LIG3: variants seen among roughly 807,000 people sequenced by gnomAD.
LIG3 encodes DNA ligase 3, also known as ligase II, DNA, ATP-dependent.
A neutral mutation model predicts 110.9 loss-of-function variants in LIG3; 58 were observed. The ratio of observed to expected loss-of-function variants is 0.52; its 90% CI spans 0.42 to 0.65. The LOEUF is 0.65. LIG3 is among the 30% of genes least tolerant of loss of function. LIG3 has a pLI of 0.00. For missense variants in LIG3, 1,094 were observed against 1,273.8 expected, an observed-to-expected ratio of 0.86 and a Z score of 2.15; for synonymous variants, 422 against 472.8, an observed-to-expected ratio of 0.89 and a Z score of 1.39.
chr17:34,992,377 T>G (rs544240696), intron 7 of LIG3, 147 bp from the exon 8 acceptor site: 1 of 941,172 alleles, frequency 1.1e-6, no homozygotes, highest in African/African-American at 1.6e-5. Context: ...AAGAGCTTTC[T>G]CTCCTCTTGT....
At chr17:34,997,219 C>T (rs1369858549) in intron 11 of LIG3, 1 of 166,722 alleles carries the variant, frequency 6.0e-6, no homozygotes, top group African/African-American at 2.4e-5. Context: ...TCAGCCCTTT[C>T]CTCACTTAGA....
At chr17:35,002,983 G>A in intron 19 of LIG3, 194 bp downstream of exon 19, 1 of 1,614,172 alleles carries the variant, frequency 6.2e-7, no homozygotes, top group Non-Finnish European at 8.5e-7. Context: ...ATGTCCTCTT[G>A]TTGCCTTGCA....
At chr17:34,992,745 T>A (rs529744131) in intron 8 of LIG3, 53 bp downstream of exon 8, 19 of 1,494,524 alleles carry the variant, frequency 1.3e-5, no homozygotes, top group Non-Finnish European at 1.5e-5. Flanking sequence ...CTCCACATCC[T>A]TTGGGCTGAG....
rs143149309 is a variant in LIG3 at position 35,007,388 on chromosome 17, A to G, written c.*2882A>G. On this transcript the variant is annotated 3_prime_UTR_variant, in exon 20 of 20. Transcript: ENST00000378526. ...TCATGTATTTCTTTCATGTATTTCA[A>G]TGCAGCCCTCAACATCATCATCATA... 6.6e-6 allele frequency: 1 copy of G among 152,112 alleles called. No individual in the cohort carries two copies. The highest frequency in any genetic ancestry group is 2.4e-5 in the African/African-American group (1 of 41,398). The allele number at this position is 152,112 out of a possible 1,614,324, so 9.4% of individuals were successfully genotyped here.
At chr17:34,996,926 C>T (rs1244252270) in intron 11 of LIG3, 2 of 418,674 alleles carry the variant, frequency 4.8e-6, no homozygotes, top group Non-Finnish European at 8.7e-6. Flanking sequence ...GAAACCCAAA[C>T]CCCCAAAGAA....
At chr17:34,989,860 A>G (rs2090699713) in intron 4 of LIG3, 197 bp downstream of exon 4, 2 of 578,844 alleles carry the variant, frequency 3.5e-6, no homozygotes, top group Non-Finnish European at 6.1e-6. Flanking sequence ...TCCACAAATT[A>G]TGTAGCCAGT....
intron 16 of LIG3, among the ~76,000 whole-genome samples, chr17:35,000,891 G>C (rs1477469187): frequency 2.0e-5 from 3 of 151,560 alleles, no homozygotes; most frequent in African/African-American, 7.3e-5. Context: ...TGGGATTACA[G>C]ATGCAAGCCA....
rs1480128959 is a variant in LIG3 at position 35,007,743 on chromosome 17, T to G, written c.*3237T>G. ...TCACGAGGCTGGGCCAACCTTTTTTTTTTTTTTAAACAGACTCTTGCTCTG... is the reference window on the plus strand; with the variant it reads ...TCACGAGGCTGGGCCAACCTTTTTTGTTTTTTTAAACAGACTCTTGCTCTG... On this transcript the variant is annotated 3_prime_UTR_variant, in exon 20 of 20. Coordinates refer to ENST00000378526, the MANE Select transcript of LIG3 (RefSeq NM_013975.4). 2.6e-5 allele frequency: 4 copies of G among 151,750 alleles called. No individual in the cohort carries two copies. The highest frequency in any genetic ancestry group is 5.9e-5 in the Non-Finnish European group (4 of 67,958). 9.4% of individuals were successfully genotyped at this position (151,750 alleles called of 1,614,324 possible).
rs781425057 is a variant in LIG3 at position 35,008,756 on chromosome 17, C to A, written c.*4250C>A. The A allele has an allele frequency of 2.6e-5, 4 of 152,142 alleles. No individual in the cohort carries two copies. Among genetic ancestry groups the A allele is most frequent in the African/African-American group, 9.7e-5 (4 of 41,428 alleles). The allele number at this position is 152,142 out of a possible 1,614,324, so 9.4% of individuals were successfully genotyped here. A position where few individuals can be genotyped will look rare whatever the true frequency, so the allele number is the denominator to read the frequency against. ...ACACCATTCTCCTGCCTCAGCCTCC[C>A]GAGTAGCTGGGACTACAGGCACCCG... On this transcript the variant is annotated 3_prime_UTR_variant, in exon 20 of 20. Transcript: ENST00000378526.
chr17:34,998,618 T>C lies in LIG3; in HGVS notation c.2004T>C (p.Pro668=), dbSNP rs139713609. The stretch of plus-strand genomic sequence containing the variant: ...CTTCCCTTCAGGGTACATATGAGCC[T>C]GGGAAGCGGCACTGGCTGAAAGTGA... ...VLKDVKGTYE[P]GKRHWLKVKK... is the part of the protein sequence containing the mutation. Residue 668 remains proline, a synonymous_variant, in exon 14 of 20, where the codon CCT becomes CCC. Coordinates refer to ENST00000378526, the MANE Select transcript of LIG3 (RefSeq NM_013975.4). 6.2e-7 allele frequency: 1 copy of C among 1,614,050 alleles called. No individual in the cohort carries two copies. Among genetic ancestry groups the C allele is most frequent in the African/African-American group, 1.3e-5 (1 of 74,940 alleles).
chr17:34,984,698 C>T (rs2090637912), intron 2 of LIG3, among the ~76,000 whole-genome samples: 1 of 149,654 alleles, frequency 6.7e-6, no homozygotes, highest in African/African-American at 2.5e-5. Context: ...AGTGTAGTGG[C>T]ACTATCCTGT....
intron 19 of LIG3, chr17:35,003,296 C>G: frequency 1.4e-6 from 1 of 729,224 alleles, no homozygotes; most frequent in Non-Finnish European, 2.1e-6. Flanking sequence ...GCAACATCTC[C>G]TGAGCAATTC....
chr17:35,002,854 T>C (rs1022744559), intron 19 of LIG3, 65 bp downstream of exon 19: 8 of 1,572,498 alleles, frequency 5.1e-6, no homozygotes, highest in Middle Eastern at 1.8e-4. Flanking sequence ...CCCAACCTTC[T>C]GTACAAGAAG....
intron 16 of LIG3, among the ~76,000 whole-genome samples, chr17:35,000,583 A>G (rs138790607): frequency 1.2e-5 from 1 of 83,496 alleles, no homozygotes; most frequent in East Asian, 3.5e-4. Flanking sequence ...ATTGTTCTGT[A>G]TTGCTTCTAG....
In LIG3 at chr17:35,004,477, C is replaced by T. The variant is rs755970779; in HGVS notation, c.3001C>T (p.Arg1001Trp). The T allele has an allele frequency of 1.1e-5, 18 of 1,613,930 alleles. No individual in the cohort carries two copies. The highest frequency in any genetic ancestry group is 3.3e-5 in the South Asian group (3 of 91,084). Reference protein sequence around the residue: ...VSPEWIWACIRKRRLVAPC With the variant: ...VSPEWIWACIWKRRLVAPC ...CCCAGAGTGGATTTGGGCATGTATCCGGAAACGGAGACTGGTAGCTCCCTG... is the reference window on the plus strand; with the variant it reads ...CCCAGAGTGGATTTGGGCATGTATCTGGAAACGGAGACTGGTAGCTCCCTG... Residue 1001 changes from arginine to tryptophan, a missense_variant, in exon 20 of 20, where the codon CGG becomes TGG. Coordinates refer to ENST00000378526, the MANE Select transcript of LIG3 (RefSeq NM_013975.4).
At position 35,008,260 on chromosome 17, in the gene LIG3, C is replaced by A. The variant is rs1223228001; in HGVS notation, c.*3754C>A. 3 of 152,244 alleles carry A rather than the reference C, an allele frequency of 2.0e-5. No homozygotes were observed. The East Asian group carries it at 5.8e-4, about 29-fold the overall frequency. The allele number at this position is 152,244 out of a possible 1,614,324, so 9.4% of individuals were successfully genotyped here. A position where few individuals can be genotyped will look rare whatever the true frequency, so the allele number is the denominator to read the frequency against. On this transcript the variant is annotated 3_prime_UTR_variant, in exon 20 of 20. Coordinates refer to ENST00000378526, the MANE Select transcript of LIG3 (RefSeq NM_013975.4). ...GGATTCATCCTTTACCTACCCAGCT[C>A]TCATTCTCTTCTAGGTTGTTCCATG...
chr17:34,993,926 T>C (rs553739493), intron 8 of LIG3, among the ~76,000 whole-genome samples: 1 of 152,298 alleles, frequency 6.6e-6, no homozygotes, highest in African/African-American at 2.4e-5. Flanking sequence ...CTGGGAGAAC[T>C]GATGTGTTTT....
Position 35,001,416 on chromosome 17 carries a change from A to G in LIG3, c.2478+13A>G. The G allele has an allele frequency of 6.2e-7, 1 of 1,613,544 alleles. No individual in the cohort carries two copies. The highest frequency in any genetic ancestry group is 8.5e-7 in the Non-Finnish European group (1 of 1,179,466). ...TCCCCAACTCAAGGTAGCAGCTCTT[A>G]GGCTGTATATGTATTCTCCACCCCA... On this transcript the variant is annotated intron_variant, in intron 17 of 19. Coordinates refer to ENST00000378526, the MANE Select transcript of LIG3 (RefSeq NM_013975.4).
chr17:35,006,141 C>A lies in LIG3; in HGVS notation c.*1635C>A. 1 of 162,784 alleles carries A rather than the reference C, an allele frequency of 6.1e-6. No individual in the cohort carries two copies. Among genetic ancestry groups the A allele is most frequent in the Non-Finnish European group, 1.3e-5 (1 of 74,394 alleles). The allele number at this position is 162,784 out of a possible 1,614,324, so 10.1% of individuals were successfully genotyped here. A position where few individuals can be genotyped will look rare whatever the true frequency, so the allele number is the denominator to read the frequency against. On this transcript the variant is annotated 3_prime_UTR_variant, in exon 20 of 20. Coordinates refer to ENST00000378526, the MANE Select transcript of LIG3 (RefSeq NM_013975.4). The stretch of plus-strand genomic sequence containing the variant: ...ACCTGAGGCTGATTTATTTGAAGAA[C>A]AAAAGGAAGAGAGACAATTTAGTGT...
Sources: gnomAD v4.1 joint callset for allele counts (sites outside exome capture counted in the v4.1 genomes callset) on GRCh38, gnomAD v4.1.1 for gene constraint, MANE v1.5 for transcripts, NCBI Gene and HGNC (gene_info 2026-07-23, HGNC 2026-07-21) for gene names.